Variants in ANGPT2 observed in about 807,000 individuals in gnomAD.
ANGPT2 encodes angiopoietin-2.
In ANGPT2, 28 loss-of-function variants were observed where a neutral mutation model predicts 62.9. That is an observed-to-expected ratio of 0.44 (90% CI 0.33 to 0.61). The LOEUF (loss-of-function observed/expected upper bound fraction) is 0.61. Ranked by LOEUF, ANGPT2 falls within the 20% of genes least tolerant of loss-of-function variation. ANGPT2 has a pLI of 0.03. For synonymous variants in ANGPT2, 284 were observed against 207.8 expected (o/e 1.37, Z -3.15); for missense variants, 727 against 594.9 (o/e 1.22, Z -2.31).
In ANGPT2 at chr8:6,531,129, G is replaced by C. The variant is rs150661555; in HGVS notation, c.444+1203C>G. ...AGTCACGACCACGGCCTTGAGCTTG[G>C]AGCGTCTGCATTTGTACTGCTAATA... On this transcript the variant is annotated intron_variant, in intron 2 of 8. Transcript: ENST00000629816. Among the ~76,000 whole-genome samples, 9 of 152,076 alleles carry C rather than the reference G, an allele frequency of 5.9e-5. No individual in the cohort carries two copies. In the East Asian group the frequency reaches 1.6e-3, roughly 26 times the overall value.
chr8:6,506,553 G>C (rs1426439350), intron 8 of ANGPT2, among the ~76,000 whole-genome samples: 1 of 152,176 alleles, frequency 6.6e-6, no homozygotes, highest in African/African-American at 2.4e-5. Flanking sequence ...CAGCATGTGG[G>C]GAAATGGTAG....
At chr8:6,522,473 G>A (rs1037138912) in intron 3 of ANGPT2, among the ~76,000 whole-genome samples, 16 of 152,008 alleles carry the variant, frequency 1.1e-4, no homozygotes, top group Non-Finnish European at 1.9e-4. Flanking sequence ...TGAGGAAATT[G>A]AAACTTAGGG....
In ANGPT2 at chr8:6,547,206, A is replaced by C. The variant is rs969346857; in HGVS notation, c.289-14719T>G. On this transcript the variant is annotated intron_variant, in intron 1 of 8. Transcript: ENST00000629816. ...AGGTGAACTAGTTTTATACCATTAG[A>C]TTATACAGAAAAGTCAAATTTACTT... Among the ~76,000 whole-genome samples, 14 of 152,108 alleles carry C rather than the reference A, an allele frequency of 9.2e-5. No individual in the cohort carries two copies. The South Asian group carries it at 2.9e-3, about 32-fold the overall frequency.
intron 2 of ANGPT2, among the ~76,000 whole-genome samples, chr8:6,531,351 C>G (rs1233552333): frequency 6.6e-6 from 1 of 150,936 alleles, no homozygotes; most frequent in Non-Finnish European, 1.5e-5. Flanking sequence ...TGCAGTGGCA[C>G]GATCTCAACT....
At chr8:6,527,252 G>A (rs145476169) in intron 3 of ANGPT2, among the ~76,000 whole-genome samples, 79 of 151,966 alleles carry the variant, frequency 5.2e-4, no homozygotes, top group African/African-American at 1.8e-3. Flanking sequence ...TCACTCCACA[G>A]CACTAGCTGT....
chr8:6,514,808 C>CA (rs1232684740), intron 5 of ANGPT2, 30 bp from the exon 6 acceptor site: 1 of 1,593,464 alleles, frequency 6.3e-7, no homozygotes, highest in African/African-American at 1.3e-5. Flanking sequence ...GTATAAGTGA[C>CA]AGAGCCCCCC....
intron 1 of ANGPT2, among the ~76,000 whole-genome samples, chr8:6,552,624 G>A (rs1158226310): frequency 6.6e-6 from 1 of 152,096 alleles, no homozygotes. Flanking sequence ...TACCGTTCCT[G>A]CAATTGTGTA....
rs368943542 is a variant in ANGPT2 at position 6,538,533 on chromosome 8, C to T, written c.289-6046G>A. ...CTGGCGCCCCTGATCTTGTGGGCCT[C>T]AGACCTGGGCGCGCACTGTCCTTGG... On this transcript the variant is annotated intron_variant, in intron 1 of 8. Transcript: ENST00000629816. Among the ~76,000 whole-genome samples, 10 of 152,290 alleles carry T rather than the reference C, an allele frequency of 6.6e-5. No individual in the cohort carries two copies. The South Asian group carries it at 2.1e-3, about 32-fold the overall frequency.
intron 2 of ANGPT2, among the ~76,000 whole-genome samples, chr8:6,530,531 A>AAAAAT (rs1819290349): frequency 7.3e-6 from 1 of 136,916 alleles, no homozygotes; most frequent in South Asian, 2.3e-4. Flanking sequence ...AAAAAAAAAA[A>AAAAAT]GTAATGGCAA....
At position 6,519,872 on chromosome 8, in the gene ANGPT2, C is replaced by G. The variant is rs182334057; in HGVS notation, c.919G>C (p.Glu307Gln). The G allele has an allele frequency of 6.2e-7, 1 of 1,613,994 alleles. No homozygotes were observed. The highest frequency in any genetic ancestry group is 2.2e-5 in the East Asian group (1 of 44,862). ...GGAGACGAATACCTCACCTTGATCT[C>G]TTCTGTAGAATTAGGGAATGTTAAC... ...YTLTFPNSTE[E>Q]IKAYCDMEAG... Residue 307 changes from glutamate to glutamine, a missense_variant, in exon 5 of 9, where the codon GAG becomes CAG. Physicochemically the swap from Glu to Gln is conservative, Grantham distance 29. Transcript: ENST00000629816.
At chr8:6,512,831 G>C (rs1317875188) in intron 7 of ANGPT2, among the ~76,000 whole-genome samples, 1 of 152,180 alleles carries the variant, frequency 6.6e-6, no homozygotes, top group Non-Finnish European at 1.5e-5. Flanking sequence ...AAACACCCAG[G>C]GAATGCTGTG....
rs1812171443 is a variant in ANGPT2 at position 6,501,509 on chromosome 8, G to T, written c.*1592C>A. The T allele has an allele frequency of 6.7e-6, 1 of 149,676 alleles. No homozygotes were observed. The highest frequency in any genetic ancestry group is 2.1e-4 in the South Asian group (1 of 4,694). The allele number at this position is 149,676 out of a possible 1,614,324, so 9.3% of individuals were successfully genotyped here. A position where few individuals can be genotyped will look rare whatever the true frequency, so the allele number is the denominator to read the frequency against. ...TAAAACTCCAGGAGTTTATGGTTTT[G>T]TAGTCCCGAGTATAAAGCTGTGTTC... On this transcript the variant is annotated 3_prime_UTR_variant, in exon 9 of 9. Transcript: ENST00000629816.
chr8:6,508,720 C>T (rs1468845846), intron 8 of ANGPT2: 2 of 670,308 alleles, frequency 3.0e-6, no homozygotes, highest in Non-Finnish European at 5.0e-6. Flanking sequence ...ACACAGTTGG[C>T]TTGCTGACAA....
rs908068390 is a variant in ANGPT2 at position 6,502,388 on chromosome 8, G to C, written c.*713C>G. On this transcript the variant is annotated 3_prime_UTR_variant, in exon 9 of 9. Coordinates refer to ENST00000629816, the MANE Select transcript of ANGPT2 (RefSeq NM_001118887.2). The stretch of plus-strand genomic sequence containing the variant: ...GTACGGTCTGCATATAAACTAAAAT[G>C]GCACGTTTCTGTTGATAATTTCAGA... The C allele has an allele frequency of 6.6e-6, 1 of 152,060 alleles. No homozygotes were observed. The highest frequency in any genetic ancestry group is 2.4e-5 in the African/African-American group (1 of 41,378). 9.4% of individuals were successfully genotyped at this position (152,060 alleles called of 1,614,324 possible). A position where few individuals can be genotyped will look rare whatever the true frequency, so the allele number is the denominator to read the frequency against.
At chr8:6,533,379 G>A (rs1215847086) in intron 1 of ANGPT2, among the ~76,000 whole-genome samples, 2 of 152,190 alleles carry the variant, frequency 1.3e-5, no homozygotes, top group African/African-American at 4.8e-5. Flanking sequence ...CTTTGGGCTT[G>A]GAGCCAGGGA....
chr8:6,509,234 TATC>T (rs758137300), intron 7 of ANGPT2, among the ~76,000 whole-genome samples, 172 bp from the exon 8 acceptor site: 7 of 152,302 alleles, frequency 4.6e-5, no homozygotes, highest in Admixed American at 3.9e-4. Flanking sequence ...GGAACCAACT[TATC>T]ATCAAATCCT....
chr8:6,561,564 C>G (rs149595380), intron 1 of ANGPT2, among the ~76,000 whole-genome samples: 1 of 152,198 alleles, frequency 6.6e-6, no homozygotes, highest in East Asian at 1.9e-4. Flanking sequence ...TAGGGTCATG[C>G]GTCAAATGAG....
At chr8:6,515,606 T>C (rs1160974256) in intron 5 of ANGPT2, among the ~76,000 whole-genome samples, 1 of 152,206 alleles carries the variant, frequency 6.6e-6, no homozygotes, top group Non-Finnish European at 1.5e-5. Context: ...AGTTTTATTA[T>C]GAAATTAAAA....
chr8:6,536,705 A>G (rs1396569282), intron 1 of ANGPT2, among the ~76,000 whole-genome samples: 5 of 152,226 alleles, frequency 3.3e-5, no homozygotes, highest in African/African-American at 1.2e-4. Flanking sequence ...CATTTAATGT[A>G]GCCTTTCCAT....
Sources: allele counts gnomAD v4.1 joint callset (sites outside exome capture counted in the v4.1 genomes callset), GRCh38; gene constraint gnomAD v4.1.1; transcripts MANE v1.5; gene names NCBI Gene and HGNC (gene_info 2026-07-23, HGNC 2026-07-21).